Variants in MAST4 observed in about 807,000 individuals in gnomAD.
MAST4 encodes microtubule associated serine/threonine kinase family member 4, also known as microtubule-associated serine/threonine-protein kinase 4.
In MAST4, 89 loss-of-function variants were observed where a neutral mutation model predicts 162.7. The observed-to-expected ratio is 0.55, with a 90% CI of 0.46 to 0.65. The LOEUF is 0.65. Ranked by LOEUF, MAST4 falls within the 30% of genes least tolerant of loss-of-function variation. The pLI is 0.00. For synonymous variants in MAST4, 1,479 were observed against 1,361.1 expected, an observed-to-expected ratio of 1.09 and a Z score of -1.91; for missense variants, 3,153 against 3,374.0, an observed-to-expected ratio of 0.93 and a Z score of 1.62.
Position 67,127,218 on chromosome 5 carries a change from A to T in MAST4, c.1746-2992A>T, listed in dbSNP as rs144673635. Among the ~76,000 whole-genome samples the T allele has an allele frequency of 4.7e-3, 722 of 152,252 alleles. 6 individuals are homozygous for T. Among genetic ancestry groups the T allele is most frequent in the African/African-American group, 0.016 (667 of 41,560 alleles). The stretch of plus-strand genomic sequence containing the variant: ...ACTTCCTCTTTTCCTAATTGAATAC[A>T]ATTTATTTCTTTCTCTTACCTGATT... On this transcript the variant is annotated intron_variant, in intron 14 of 28. Coordinates refer to ENST00000403625, the MANE Select transcript of MAST4 (RefSeq NM_001164664.2).
rs190203922 is a variant in MAST4, at chr5:67,100,424, G to T, written c.913-11G>T. 10 of 1,613,458 alleles carry T rather than the reference G, an allele frequency of 6.2e-6. No homozygotes were observed. The highest frequency in any genetic ancestry group is 7.6e-6 in the Non-Finnish European group (9 of 1,179,696). On this transcript the variant is annotated splice_polypyrimidine_tract_variant and intron_variant, in intron 7 of 28. Transcript: ENST00000403625. ...GAGGTAGTTATGTGACCTCACTTTG[G>T]TTTTTTTCAGTCATCCTGTTCCTCC...
intron 3 of MAST4, among the ~76,000 whole-genome samples, chr5:66,810,049 T>C (rs1227381400): frequency 1.3e-5 from 2 of 152,222 alleles, no homozygotes; most frequent in Non-Finnish European, 2.9e-5. Flanking sequence ...TACACCATTG[T>C]ATAAATTGTC....
At chr5:67,099,359 C>G (rs76406887) in intron 7 of MAST4, among the ~76,000 whole-genome samples, 2,953 of 151,868 alleles carry the variant, frequency 0.019, 39 homozygotes, top group South Asian at 0.043. Flanking sequence ...AAAAATTCCT[C>G]TTTGTCTCAA....
Position 67,167,346 on chromosome 5 carries a change from T to G in MAST4, c.*295T>G. On this transcript the variant is annotated 3_prime_UTR_variant, in exon 29 of 29. Coordinates refer to ENST00000403625, the MANE Select transcript of MAST4 (RefSeq NM_001164664.2). Reference sequence around the variant, plus strand: ...GAAAATGATTTTCTTTGTAAATATATAGCATCGTGTTTGGTTTGGGATGTA... The same window carrying G: ...GAAAATGATTTTCTTTGTAAATATAGAGCATCGTGTTTGGTTTGGGATGTA... The G allele has an allele frequency of 3.9e-6, 1 of 253,840 alleles. No homozygotes were observed. Among genetic ancestry groups the G allele is most frequent in the Non-Finnish European group, 7.4e-6 (1 of 135,552 alleles). 15.7% of individuals were successfully genotyped at this position (253,840 alleles called of 1,614,324 possible).
chr5:67,032,362 A>G (rs1435372825), intron 4 of MAST4, among the ~76,000 whole-genome samples: 3 of 152,174 alleles, frequency 2.0e-5, no homozygotes, highest in Admixed American at 1.3e-4. Flanking sequence ...CGTTTTTTGC[A>G]AAATTTATCT....
intron 1 of MAST4, among the ~76,000 whole-genome samples, chr5:66,734,400 A>G (rs1048277205): frequency 2.6e-5 from 4 of 152,236 alleles, no homozygotes; most frequent in African/African-American, 7.2e-5. Context: ...CCAGGGTATC[A>G]TAGGCTATAT....
chr5:67,072,703 T>TA (rs1201338651), intron 5 of MAST4, among the ~76,000 whole-genome samples: 3 of 152,222 alleles, frequency 2.0e-5, no homozygotes, highest in Non-Finnish European at 4.4e-5. Context: ...AATGCTGTTG[T>TA]ATATTACCAA....
At chr5:66,598,939 T>G (rs1161972804) in intron 1 of MAST4, among the ~76,000 whole-genome samples, 1 of 152,220 alleles carries the variant, frequency 6.6e-6, no homozygotes, top group Non-Finnish European at 1.5e-5. Flanking sequence ...CAGTGAGAAC[T>G]GGTTGATTGA....
chr5:66,785,457 C>G (rs897074985), intron 2 of MAST4, among the ~76,000 whole-genome samples: 1 of 152,082 alleles, frequency 6.6e-6, no homozygotes, highest in Non-Finnish European at 1.5e-5. Flanking sequence ...GTAGATGGGG[C>G]TTTCGAGTCA....
chr5:66,916,962 T>C, intron 4 of MAST4: 1 of 718,064 alleles, frequency 1.4e-6, no homozygotes, highest in Non-Finnish European at 2.6e-6. Flanking sequence ...CCTTACGTAC[T>C]GGTCCTTTTT....
At chr5:66,662,728 G>A (rs1746989660) in intron 1 of MAST4, 1 of 152,146 alleles carries the variant, frequency 6.6e-6, no homozygotes, top group Non-Finnish European at 1.5e-5. Context: ...CCAGGAGACT[G>A]TAGATTATTA....
chr5:66,852,222 A>G (rs1341973084), intron 3 of MAST4, among the ~76,000 whole-genome samples: 5 of 152,098 alleles, frequency 3.3e-5, no homozygotes, highest in Non-Finnish European at 7.4e-5. Context: ...ATCATGACTT[A>G]CTGCAGCCTC....
At chr5:66,941,890 G>C (rs1233705086) in intron 4 of MAST4, among the ~76,000 whole-genome samples, 1 of 152,094 alleles carries the variant, frequency 6.6e-6, no homozygotes, top group African/African-American at 2.4e-5. Flanking sequence ...CATGGAGAAG[G>C]AAAGAGATGG....
intron 10 of MAST4, among the ~76,000 whole-genome samples, chr5:67,105,815 A>G (rs956437087): frequency 1.3e-5 from 2 of 152,164 alleles, no homozygotes; most frequent in African/African-American, 4.8e-5. Context: ...TTCCCAGTCC[A>G]CAGGCTGCCC....
rs1443923330 is a variant in MAST4 at position 67,150,907 on chromosome 5, CTCT to C, written c.3295+1323_3295+1325del. Among the ~76,000 whole-genome samples the C allele has an allele frequency of 2.6e-5, 4 of 152,148 alleles. No homozygotes were observed. The East Asian group carries it at 7.7e-4, about 29-fold the overall frequency. On this transcript the variant is annotated intron_variant, in intron 24 of 28. Coordinates refer to ENST00000403625, the MANE Select transcript of MAST4 (RefSeq NM_001164664.2). ...ATGGGTCATGATACAGTTGGCTTTG[CTCT>C]TCTTTGAACAAGCATAAGAATTGAA...
At chr5:67,008,662 G>A (rs775285213) in intron 4 of MAST4, among the ~76,000 whole-genome samples, 4 of 152,056 alleles carry the variant, frequency 2.6e-5, no homozygotes, top group Non-Finnish European at 4.4e-5. Context: ...CATTTTCCAC[G>A]CCGATGGGTA....
intron 1 of MAST4, among the ~76,000 whole-genome samples, chr5:66,732,250 C>T (rs974527430): frequency 1.3e-5 from 2 of 152,214 alleles, no homozygotes; most frequent in Non-Finnish European, 2.9e-5. Context: ...GTCCCAACTT[C>T]CTCTTCTGGC....
At chr5:66,667,355 A>T (rs192726961) in intron 1 of MAST4, among the ~76,000 whole-genome samples, 16 of 152,344 alleles carry the variant, frequency 1.1e-4, no homozygotes, top group Non-Finnish European at 2.1e-4. Flanking sequence ...ATAGTAGGTT[A>T]TACTTAATAC....
intron 27 of MAST4, among the ~76,000 whole-genome samples, chr5:67,161,334 AAGT>A (rs1274565804): frequency 1.3e-5 from 2 of 152,230 alleles, no homozygotes; most frequent in East Asian, 3.8e-4. Context: ...GGGGGAAAAA[AAGT>A]TATACAAGAA....
Sources: allele counts gnomAD v4.1 joint callset (sites outside exome capture counted in the v4.1 genomes callset), GRCh38; gene constraint gnomAD v4.1.1; transcripts MANE v1.5; gene names NCBI Gene and HGNC (gene_info 2026-07-23, HGNC 2026-07-21).